SRPK3: variants seen among roughly 807,000 people sequenced by gnomAD.
SRPK3 encodes the protein SFRS protein kinase 3.
A neutral mutation model predicts 45.3 loss-of-function variants in SRPK3; 26 were observed. The observed-to-expected ratio is 0.57, with a 90% CI of 0.42 to 0.80. The LOEUF (loss-of-function observed/expected upper bound fraction) is 0.80, where lower values mean the gene tolerates loss of function less well. Among genes scored for constraint, SRPK3 ranks in the 30% least tolerant of loss-of-function variants. The pLI, the probability that SRPK3 is intolerant of heterozygous loss-of-function variation, is 0.00. For missense variants in SRPK3, 536 were observed against 514.5 expected (o/e 1.04, Z -0.40); for synonymous variants, 254 against 226.6 (o/e 1.12, Z -1.09).
At chrX:153,783,517 C>T (rs1350450406) in intron 8 of SRPK3, among the ~76,000 whole-genome samples, 1 of 112,914 alleles carries the variant, frequency 8.9e-6, no homozygotes, top group Non-Finnish European at 1.9e-5. Context: ...CACCCTGAGG[C>T]GGGCCGGCCA....
Position 153,781,927 on chromosome X carries a change from G to A in SRPK3, c.387+97G>A, listed in dbSNP as rs1415330510. On this transcript the variant is annotated intron_variant, in intron 4 of 14. Coordinates refer to ENST00000370101, the MANE Select transcript of SRPK3 (RefSeq NM_014370.4). ...CTGCCGGGGCTCTGTGGGGCAGGGC[G>A]GGGCTCCCTGAGGGGCAGCCTCCAG... 24 of 1,035,847 alleles carry A rather than the reference G, an allele frequency of 2.3e-5. No individual in the cohort carries two copies. In the East Asian group the frequency reaches 2.8e-4, roughly 12 times the overall value. The allele number at this position is 1,035,847 out of a possible 1,213,427, so 85.4% of individuals were successfully genotyped here.
intron 10 of SRPK3, 27 bp downstream of exon 10, chrX:153,784,240 G>A: frequency 8.3e-7 from 1 of 1,210,625 alleles, no homozygotes; most frequent in South Asian, 1.8e-5. Flanking sequence ...GTGGTGGGCA[G>A]GCAGGGCTGG....
chrX:153,785,252 C>T lies in SRPK3; in HGVS notation c.1519+79C>T, dbSNP rs1463662588. On this transcript the variant is annotated intron_variant, in intron 14 of 14. Transcript: ENST00000370101. ...ACCTTGGATTCTGCAACAGAGGGAA[C>T]ACTGGGTCCCAGGAGCCAGGGCCTA... 5 of 1,179,256 alleles carry T rather than the reference C, an allele frequency of 4.2e-6. No individual in the cohort carries two copies. In the African/African-American group the frequency reaches 8.8e-5, roughly 21 times the overall value.
At position 153,781,727 on chromosome X, in the gene SRPK3, G is replaced by A. The variant is rs782316217; in HGVS notation, c.300-16G>A. 13 of 1,210,676 alleles carry A rather than the reference G, an allele frequency of 1.1e-5. No individual in the cohort carries two copies. The highest frequency in any genetic ancestry group is 1.3e-5 in the Non-Finnish European group (12 of 894,964). On this transcript the variant is annotated splice_polypyrimidine_tract_variant and intron_variant, in intron 3 of 14. Transcript: ENST00000370101. The stretch of plus-strand genomic sequence containing the variant: ...TCCTGCCAGGGCCACAGCCTACAAG[G>A]GTCTCGGTATTGCAGGCGCAAGCGC...
In SRPK3 at chrX:153,781,602, C is replaced by T; in HGVS notation, c.288C>T (p.Cys96=). The stretch of plus-strand genomic sequence containing the variant: ...GCCACTTCTCCACCGTCTGGCTCTG[C>T]TGGGACATCCAGTGAGTGCCTCCTT... The part of the protein sequence containing the change: ...GWGHFSTVWL[C]WDIQRKRFVA... The change falls in exon 3 of 15, where the codon TGC becomes TGT. Residue 96 remains cysteine (C), a synonymous_variant. Coordinates refer to ENST00000370101, the MANE Select transcript of SRPK3 (RefSeq NM_014370.4). The T allele has an allele frequency of 8.3e-7, 1 of 1,210,083 alleles. No homozygotes were observed. The highest frequency in any genetic ancestry group is 1.1e-6 in the Non-Finnish European group (1 of 894,626).
chrX:153,785,247 G>A, intron 14 of SRPK3, 74 bp downstream of exon 14: 14 of 1,179,805 alleles, frequency 1.2e-5, no homozygotes, highest in Non-Finnish European at 1.5e-5. Flanking sequence ...CTGCAACAGA[G>A]GGAACACTGG....
chrX:153,785,045 G>A (rs1569542545), intron 13 of SRPK3, 36 bp from the exon 14 acceptor site: 15 of 1,211,280 alleles, frequency 1.2e-5, no homozygotes, highest in Non-Finnish European at 1.7e-5. Flanking sequence ...CGGCCTCCCG[G>A]CCTGCCTGCC....
intron 2 of SRPK3, 56 bp from the exon 3 acceptor site, chrX:153,781,448 CG>C: frequency 8.5e-7 from 1 of 1,182,185 alleles, no homozygotes; most frequent in Non-Finnish European, 1.1e-6. Flanking sequence ...CCGAGGTGTT[CG>C]GGGGCCCAGG....
At chrX:153,781,452 G>T in intron 2 of SRPK3, 53 bp from the exon 3 acceptor site, 2 of 1,183,915 alleles carry the variant, frequency 1.7e-6, no homozygotes, top group Non-Finnish European at 2.3e-6. Context: ...GGTGTTCGGG[G>T]GCCCAGGGGA....
chrX:153,784,816 G>T lies in SRPK3; in HGVS notation c.1315G>T (p.Glu439Ter). The T allele has an allele frequency of 8.3e-7, 1 of 1,211,456 alleles. No homozygotes were observed. The highest frequency in any genetic ancestry group is 2.3e-4 in the Middle Eastern group (1 of 4,355). The change falls in exon 12 of 15, where the codon GAA (glutamate) becomes TAA (stop). Residue 439 changes from glutamate to a stop codon, truncating the protein, a stop_gained. Coordinates refer to ENST00000370101, the MANE Select transcript of SRPK3 (RefSeq NM_014370.4). LOFTEE classifies it high-confidence loss of function. The part of the protein sequence containing the change: ...YRAVEVLIGA[E>*]YGPPADIWST... ...GGCCGTCGAGGTGCTGATCGGCGCC[G>T]AATACGGCCCCCCGGCAGACATCTG...
At chrX:153,783,372 A>G in intron 8 of SRPK3, 121 bp downstream of exon 8, 1 of 524,311 alleles carries the variant, frequency 1.9e-6, no homozygotes, top group Non-Finnish European at 3.1e-6. Context: ...GGTAATCCCG[A>G]AAGGCTGGGT....
intron 8 of SRPK3, 101 bp from the exon 9 acceptor site, chrX:153,783,651 G>T (rs987017198): frequency 2.6e-6 from 3 of 1,149,071 alleles, no homozygotes; most frequent in Admixed American, 2.5e-5. Context: ...GAGCCCTGGG[G>T]CCCGGAGAGG....
intron 13 of SRPK3, 22 bp downstream of exon 13, chrX:153,785,025 C>A: frequency 8.3e-7 from 1 of 1,211,068 alleles, no homozygotes; most frequent in Non-Finnish European, 1.1e-6. Flanking sequence ...GGGCTCTGGG[C>A]TCAGCCTCCC....
At position 153,781,591 on chromosome X, in the gene SRPK3, G is replaced by T; in HGVS notation, c.277G>T (p.Val93Phe). ...ACTGGGCTGGGGCCACTTCTCCACC[G>T]TCTGGCTCTGCTGGGACATCCAGTG... is the stretch of plus-strand genomic sequence containing the variant. ...RKLGWGHFST[V>F]WLCWDIQRKR... is the part of the protein sequence containing the mutation. Residue 93 changes from valine (V) to phenylalanine (F), a missense_variant, in exon 3 of 15, where the codon GTC (valine) becomes TTC (phenylalanine). By Grantham distance (50) the Val-to-Phe change is conservative. Coordinates refer to ENST00000370101, the MANE Select transcript of SRPK3 (RefSeq NM_014370.4). 8.3e-7 allele frequency: 1 copy of T among 1,210,765 alleles called. No individual in the cohort carries two copies. The highest frequency in any genetic ancestry group is 1.1e-6 in the Non-Finnish European group (1 of 895,147).
chrX:153,782,149 A>G lies in SRPK3; in HGVS notation c.416A>G (p.Lys139Arg). 8.3e-7 allele frequency: 1 copy of G among 1,211,498 alleles called. No homozygotes were observed. The highest frequency in any genetic ancestry group is 1.1e-6 in the Non-Finnish European group (1 of 895,378). The change falls in exon 5 of 15, where the codon AAA (lysine) becomes AGA (arginine). Residue 139 changes from lysine to arginine, a missense_variant. By Grantham distance (26) the Lys-to-Arg change is conservative. Transcript: ENST00000370101. ...CGGGACAGCGACCCCAGTGACCCCA[A>G]AAGAGAGACCATTGTCCAGCTCATT... ...CVRDSDPSDP[K>R]RETIVQLIDD...
chrX:153,783,348 C>T lies in SRPK3; in HGVS notation c.774+97C>T, dbSNP rs893585285. ...ACAGTGGCTCCACCCCCCACCTTCA[C>T]GCACTCCCACGGTGGTAATCCCGAA... On this transcript the variant is annotated intron_variant, in intron 8 of 14. Transcript: ENST00000370101. 1.6e-5 allele frequency: 9 copies of T among 571,916 alleles called. No homozygotes were observed. The Admixed American group carries it at 1.9e-4, about 12-fold the overall frequency. The allele number at this position is 571,916 out of a possible 1,213,427, so 47.1% of individuals were successfully genotyped here.
At position 153,781,237 on chromosome X, in the gene SRPK3, C is replaced by T. The variant is rs782000704; in HGVS notation, c.81C>T (p.Pro27=). Residue 27 remains proline, a synonymous_variant, in exon 2 of 15, where the codon CCC becomes CCT. Transcript: ENST00000370101. ...SSSSSQASCG[P]ESSGSELALA... is the part of the protein sequence containing the mutation. The stretch of plus-strand genomic sequence containing the variant: ...GCAGCTCACAGGCCTCCTGCGGGCC[C>T]GAGTCCTCGGGCTCCGAACTAGCCC... The T allele has an allele frequency of 6.6e-6, 8 of 1,207,561 alleles. No homozygotes were observed. The highest frequency in any genetic ancestry group is 2.2e-5 in the Admixed American group (1 of 45,837).
At chrX:153,782,061 G>A in intron 4 of SRPK3, 60 bp from the exon 5 acceptor site, 3 of 1,071,869 alleles carry the variant, frequency 2.8e-6, no homozygotes, top group African/African-American at 1.8e-5. Flanking sequence ...GTACACTGAA[G>A]GGAGCTGTGG....
chrX:153,784,230 G>A lies in SRPK3; in HGVS notation c.1147+17G>A, dbSNP rs1557068106. The A allele has an allele frequency of 3.3e-6, 4 of 1,209,700 alleles. No homozygotes were observed. Among genetic ancestry groups the A allele is most frequent in the Non-Finnish European group, 4.5e-6 (4 of 894,964 alleles). On this transcript the variant is annotated intron_variant, in intron 10 of 14. Transcript: ENST00000370101. ...CGCCTAGCAGTAAGTTGGGTGGCAA[G>A]TGGTGGGCAGGCAGGGCTGGCAGTA...
Sources: gnomAD v4.1 joint callset for allele counts (sites outside exome capture counted in the v4.1 genomes callset) on GRCh38, gnomAD v4.1.1 for gene constraint, MANE v1.5 for transcripts, NCBI Gene and HGNC (gene_info 2026-07-23, HGNC 2026-07-21) for gene names.